The following AK9 variants were observed in gnomAD, a reference collection of about 807,000 sequenced individuals.
AK9 encodes the protein adenylate kinase domain containing 1.
A neutral mutation model predicts 239.6 loss-of-function variants in AK9; 191 were observed. That is an observed-to-expected ratio of 0.80 (90% CI 0.71 to 0.90). The LOEUF (loss-of-function observed/expected upper bound fraction) is 0.90. Among genes scored for constraint, AK9 ranks in the 40% least tolerant of loss-of-function variants. AK9 has a pLI of 0.00. For missense variants in AK9, 1,995 were observed against 2,214.7 expected, an observed-to-expected ratio of 0.90 and a Z score of 1.99; for synonymous variants, 689 against 721.0, an observed-to-expected ratio of 0.96 and a Z score of 0.71.
At chr6:109,660,553 T>C (rs1490692491) in intron 6 of AK9, among the ~76,000 whole-genome samples, 1 of 152,224 alleles carries the variant, frequency 6.6e-6, no homozygotes, top group East Asian at 1.9e-4. Context: ...GTAAGACTTT[T>C]GTTAGGCTTC....
At chr6:109,672,760 G>A (rs1188789778) in intron 3 of AK9, among the ~76,000 whole-genome samples, 1 of 152,194 alleles carries the variant, frequency 6.6e-6, no homozygotes, top group Non-Finnish European at 1.5e-5. Context: ...CACCTTGGAT[G>A]CATATGTACT....
At chr6:109,565,151 C>G (rs1460279041) in intron 21 of AK9, among the ~76,000 whole-genome samples, 1 of 152,140 alleles carries the variant, frequency 6.6e-6, no homozygotes, top group African/African-American at 2.4e-5. Context: ...AGTAGACTAA[C>G]AATGCCTGAT....
chr6:109,577,821 T>C (rs1365130362), intron 20 of AK9, among the ~76,000 whole-genome samples: 2 of 152,072 alleles, frequency 1.3e-5, no homozygotes, highest in Non-Finnish European at 2.9e-5. Context: ...TGGTATTGGC[T>C]GTAATATCTC....
At chr6:109,547,161 A>C (rs9487144) in intron 25 of AK9, among the ~76,000 whole-genome samples, 3 of 152,194 alleles carry the variant, frequency 2.0e-5, no homozygotes, top group African/African-American at 7.2e-5. Context: ...TGAGGGCACA[A>C]CCATCCACAT....
intron 17 of AK9, among the ~76,000 whole-genome samples, chr6:109,592,660 A>G (rs1321626201): frequency 4.0e-5 from 6 of 151,836 alleles, no homozygotes; most frequent in Non-Finnish European, 8.8e-5. Context: ...GTTAGCCAGG[A>G]TGGTCTCGAT....
chr6:109,550,585 G>T (rs1183580844), intron 24 of AK9: 1 of 239,054 alleles, frequency 4.2e-6, no homozygotes, highest in Admixed American at 5.3e-5. Context: ...GAAAAACTCC[G>T]GGATGTGTTG....
intron 10 of AK9, among the ~76,000 whole-genome samples, chr6:109,633,914 T>C (rs1172621639): frequency 6.6e-6 from 1 of 152,232 alleles, no homozygotes; most frequent in East Asian, 1.9e-4. Flanking sequence ...AACTGCTAAT[T>C]CTCAGTTGGG....
At chr6:109,647,064 C>T (rs7772625) in intron 8 of AK9, among the ~76,000 whole-genome samples, 108,641 of 151,994 alleles carry the variant, frequency 0.71, 39,316 homozygotes, top group East Asian at 0.99. Context: ...CCACCAGGCC[C>T]GCCTTACAAG....
intron 6 of AK9, chr6:109,660,808 T>C (rs1200000765): frequency 1.3e-5 from 4 of 304,598 alleles, no homozygotes; most frequent in African/African-American, 8.5e-5. Flanking sequence ...TGACAGATTC[T>C]GGTTCTTAGT....
intron 12 of AK9, chr6:109,632,312 T>C (rs1796167644): frequency 1.0e-6 from 1 of 985,640 alleles, no homozygotes; most frequent in South Asian, 4.7e-5. Context: ...CCTTCTTGCA[T>C]AGGCAATCCT....
intron 10 of AK9, among the ~76,000 whole-genome samples, chr6:109,638,296 GA>G (rs1486228590): frequency 2.6e-5 from 4 of 152,016 alleles, no homozygotes; most frequent in African/African-American, 9.7e-5. Flanking sequence ...CCTCTGTTCT[GA>G]CCAAGCCCAC....
At chr6:109,591,861 G>GA (rs35645404) in intron 17 of AK9, among the ~76,000 whole-genome samples, 82,177 of 148,112 alleles carry the variant, frequency 0.55, 23,907 homozygotes, top group South Asian at 0.78. Context: ...TTCCTATTTA[G>GA]AAAAAAAAAA....
At chr6:109,498,959 G>T in intron 36 of AK9, 85 bp downstream of exon 36, 1 of 1,198,174 alleles carries the variant, frequency 8.3e-7, no homozygotes, top group South Asian at 2.3e-5. Context: ...CCAAGTTTCT[G>T]GGTGCCTATC....
At chr6:109,679,654 G>A (rs984692251) in intron 1 of AK9, among the ~76,000 whole-genome samples, 4 of 152,138 alleles carry the variant, frequency 2.6e-5, no homozygotes, top group African/African-American at 9.6e-5. Context: ...CATGTCTCCT[G>A]ACTGGGAGAC....
intron 20 of AK9, 134 bp from the exon 21 acceptor site, chr6:109,573,728 G>A: frequency 3.7e-6 from 3 of 805,572 alleles, no homozygotes; most frequent in Non-Finnish European, 5.6e-6. Context: ...TTTAATGGGG[G>A]AGATAGAAAA....
At chr6:109,636,079 A>G (rs1160698284) in intron 10 of AK9, among the ~76,000 whole-genome samples, 1 of 152,182 alleles carries the variant, frequency 6.6e-6, no homozygotes, top group East Asian at 1.9e-4. Flanking sequence ...CACAGGTCTG[A>G]TAGGCTGTAC....
chr6:109,634,872 A>G (rs1796521301), intron 10 of AK9, among the ~76,000 whole-genome samples: 1 of 152,354 alleles, frequency 6.6e-6, no homozygotes, highest in South Asian at 2.1e-4. Flanking sequence ...TGAATAGACC[A>G]TAAGTATTCT....
intron 26 of AK9, among the ~76,000 whole-genome samples, chr6:109,545,126 C>G (rs767748176): frequency 6.6e-6 from 1 of 152,112 alleles, no homozygotes; most frequent in Non-Finnish European, 1.5e-5. Context: ...AGATTAACAC[C>G]AGTAAGCACA....
chr6:109,602,946 C>A (rs1792249286), intron 17 of AK9, among the ~76,000 whole-genome samples: 1 of 152,180 alleles, frequency 6.6e-6, no homozygotes, highest in Admixed American at 6.5e-5. Context: ...GACTTCTCTG[C>A]ATTGGTTATT....
Sources: gnomAD v4.1 joint callset for allele counts (sites outside exome capture counted in the v4.1 genomes callset) on GRCh38, gnomAD v4.1.1 for gene constraint, MANE v1.5 for transcripts, NCBI Gene and HGNC (gene_info 2026-07-23, HGNC 2026-07-21) for gene names.